Variants in EIF4G3 observed in about 807,000 individuals in gnomAD.
The protein encoded by EIF4G3 is eukaryotic translation initiation factor 4 gamma 3, also known as eIF-4-gamma 3.
A neutral mutation model predicts 186.4 loss-of-function variants in EIF4G3; 34 were observed. The ratio of observed to expected loss-of-function variants is 0.18; its 90% CI spans 0.14 to 0.24. The LOEUF (loss-of-function observed/expected upper bound fraction) is 0.24, where lower values mean the gene tolerates loss of function less well. Among genes scored for constraint, EIF4G3 ranks in the 10% least tolerant of loss-of-function variants. The pLI, the probability that EIF4G3 is intolerant of heterozygous loss-of-function variation, is 1.00. For missense variants in EIF4G3, 1,536 were observed against 1,948.5 expected (o/e 0.79, Z 3.99); for synonymous variants, 673 against 679.5 (o/e 0.99, Z 0.15).
intron 4 of EIF4G3, among the ~76,000 whole-genome samples, chr1:21,009,904 C>T (rs1194396306): frequency 4.6e-5 from 7 of 152,038 alleles, no homozygotes; most frequent in African/African-American, 1.4e-4. Context: ...CTGCCCGCCT[C>T]GGCCTCCCAA....
chr1:21,088,357 T>C (rs1477614614), intron 3 of EIF4G3, among the ~76,000 whole-genome samples: 1 of 151,530 alleles, frequency 6.6e-6, no homozygotes, highest in Admixed American at 6.6e-5. Flanking sequence ...AAGGCAGAGG[T>C]TGCAGTGAGC....
intron 2 of EIF4G3, among the ~76,000 whole-genome samples, chr1:21,140,057 G>A (rs1021225331): frequency 6.6e-6 from 1 of 152,184 alleles, no homozygotes; most frequent in Non-Finnish European, 1.5e-5. Context: ...AAGTTAGCAA[G>A]CATTTCCCAC....
chr1:20,815,784 G>C (rs1053107026), intron 34 of EIF4G3, among the ~76,000 whole-genome samples: 1 of 134,624 alleles, frequency 7.4e-6, no homozygotes, highest in Non-Finnish European at 1.6e-5. Flanking sequence ...GAGGTGGGGG[G>C]GTCAGCCCCC....
At chr1:20,853,713 C>T (rs749346648) in intron 26 of EIF4G3, 36 bp from the exon 27 acceptor site, 3 of 1,476,114 alleles carry the variant, frequency 2.0e-6, no homozygotes, top group Non-Finnish European at 2.8e-6. Flanking sequence ...AAATACAAAT[C>T]ACATGACTAA....
intron 3 of EIF4G3, among the ~76,000 whole-genome samples, chr1:21,072,020 A>G (rs2095457302): frequency 6.6e-6 from 1 of 152,220 alleles, no homozygotes; most frequent in African/African-American, 2.4e-5. Flanking sequence ...AAAAATGAAC[A>G]ATGGGTCTAA....
chr1:21,046,337 TA>T (rs1349856349), intron 4 of EIF4G3, among the ~76,000 whole-genome samples: 1 of 152,202 alleles, frequency 6.6e-6, no homozygotes, highest in East Asian at 1.9e-4. Flanking sequence ...ACAGCTCATG[TA>T]AAAAAGGGAA....
chr1:20,969,706 G>A, intron 11 of EIF4G3, 110 bp from the exon 12 acceptor site: 1 of 987,112 alleles, frequency 1.0e-6, no homozygotes, highest in African/African-American at 1.6e-5. Flanking sequence ...AAATATCAAA[G>A]GTGATAATCA....
At chr1:21,066,160 A>G (rs2095230178) in intron 3 of EIF4G3, among the ~76,000 whole-genome samples, 1 of 152,092 alleles carries the variant, frequency 6.6e-6, no homozygotes, top group South Asian at 2.1e-4. Flanking sequence ...AAGAAAATTA[A>G]TAATAACAAA....
At chr1:20,909,806 T>C (rs1428117800) in intron 14 of EIF4G3, among the ~76,000 whole-genome samples, 1 of 144,422 alleles carries the variant, frequency 6.9e-6, no homozygotes, top group Non-Finnish European at 1.5e-5. Context: ...TTTGGAGACA[T>C]GGTCTTCCTT....
chr1:21,023,598 C>T (rs1446767664), intron 4 of EIF4G3, among the ~76,000 whole-genome samples: 3 of 152,020 alleles, frequency 2.0e-5, no homozygotes, highest in African/African-American at 4.8e-5. Flanking sequence ...GGCGTGATCT[C>T]GGCTCGCTAC....
At chr1:20,819,267 T>C (rs1214623637) in intron 33 of EIF4G3, among the ~76,000 whole-genome samples, 2 of 151,488 alleles carry the variant, frequency 1.3e-5, no homozygotes, top group Non-Finnish European at 2.9e-5. Context: ...TTTTTATATA[T>C]TCATTTTATT....
At chr1:21,174,538 A>G (rs2098062410) in intron 2 of EIF4G3, among the ~76,000 whole-genome samples, 1 of 152,246 alleles carries the variant, frequency 6.6e-6, no homozygotes, top group South Asian at 2.1e-4. Flanking sequence ...TCAGAAACTT[A>G]AAAGTCCTAA....
chr1:21,024,443 TAGAAAGGGG>T (rs1409235484), intron 4 of EIF4G3, among the ~76,000 whole-genome samples: 1 of 150,976 alleles, frequency 6.6e-6, no homozygotes, highest in Non-Finnish European at 1.5e-5. Flanking sequence ...CTTTGTGGAA[TAGAAAGGGG>T]GGAAAGGTGG....
intron 14 of EIF4G3, among the ~76,000 whole-genome samples, chr1:20,935,453 G>C (rs1036646610): frequency 6.6e-6 from 1 of 152,096 alleles, no homozygotes; most frequent in Non-Finnish European, 1.5e-5. Flanking sequence ...TGTATTTTGG[G>C]CATTTTTATG....
rs2058967388 is a variant in EIF4G3, at chr1:20,810,216, A to T, written c.4744+522T>A. Among the ~76,000 whole-genome samples the T allele has an allele frequency of 6.6e-6, 1 of 150,922 alleles. No individual in the cohort carries two copies. Among genetic ancestry groups the T allele is most frequent in the Non-Finnish European group, 1.5e-5 (1 of 67,824 alleles). ...TGTCGCCAGGCTGGAGTGCAGTGGC[A>T]TGCTCTTGGATCACTGTAACCTCCG... On this transcript the variant is annotated intron_variant, in intron 36 of 36. Coordinates refer to ENST00000602326, the MANE Select transcript of EIF4G3 (RefSeq NM_001391906.1). This position sits in a 1 kb window ranked among gnomAD's most constrained non-coding sequence, Gnocchi z 4.1.
chr1:21,117,856 A>G (rs2096856638), intron 2 of EIF4G3, among the ~76,000 whole-genome samples: 1 of 151,994 alleles, frequency 6.6e-6, no homozygotes. Flanking sequence ...GCATGAACAC[A>G]GGAAAGCTTT....
At chr1:21,079,181 A>T (rs1463493836) in intron 3 of EIF4G3, among the ~76,000 whole-genome samples, 1 of 152,194 alleles carries the variant, frequency 6.6e-6, no homozygotes, top group Non-Finnish European at 1.5e-5. Context: ...CATTGCCTAA[A>T]GAATATTGAT....
rs3051243 is a variant in EIF4G3 at position 20,863,378 on chromosome 1, T to TAAAAAAAAAAAAAAAAAAAAAAAA, written c.3007-1070_3007-1047dup. Reference sequence around the variant, plus strand: ...TGAGACCCATCATCTCTACAAAAAGTAAAAAAAAAAAAAAAAAAAAAAAAT... The same window carrying TAAAAAAAAAAAAAAAAAAAAAAAA: ...TGAGACCCATCATCTCTACAAAAAGTAAAAAAAAAAAAAAAAAAAAAAAAAAAAAAAAAAAAAAAAAAAAAAAAT... On this transcript the variant is annotated intron_variant, in intron 22 of 36. Coordinates refer to ENST00000602326, the MANE Select transcript of EIF4G3 (RefSeq NM_001391906.1). Among the ~76,000 whole-genome samples, 59 of 102,484 alleles carry TAAAAAAAAAAAAAAAAAAAAAAAA rather than the reference T, an allele frequency of 5.8e-4. 1 individual carries two copies. Among genetic ancestry groups the TAAAAAAAAAAAAAAAAAAAAAAAA allele is most frequent in the East Asian group, 4.1e-3 (16 of 3,898 alleles). The allele number at this position is 102,484 out of a possible 152,430, so 67.2% of individuals were successfully genotyped here. A position where few individuals can be genotyped will look rare whatever the true frequency, so the allele number is the denominator to read the frequency against.
chr1:20,840,817 G>A (rs1177493409), intron 30 of EIF4G3, 39 bp downstream of exon 30: 2 of 1,588,606 alleles, frequency 1.3e-6, no homozygotes, highest in Non-Finnish European at 8.6e-7. Context: ...GTACCCAAGA[G>A]CCTAGTAACT....
Sources: allele counts gnomAD v4.1 joint callset (sites outside exome capture counted in the v4.1 genomes callset), GRCh38; gene constraint gnomAD v4.1.1; non-coding constraint Gnocchi (gnomAD v3.1); transcripts MANE v1.5; gene names NCBI Gene and HGNC (gene_info 2026-07-23, HGNC 2026-07-21).